Variants in VAV3 observed in about 807,000 individuals in gnomAD.
The protein encoded by VAV3 is vav guanine nucleotide exchange factor 3, also known as guanine nucleotide exchange factor VAV3.
Under a neutral mutation model 131.2 loss-of-function variants are expected in VAV3, and 94 were observed. The observed-to-expected ratio is 0.72, with a 90% CI of 0.61 to 0.85. The LOEUF is 0.85. VAV3 is among the 40% of genes least tolerant of loss of function. The probability of loss-of-function intolerance (pLI) is 0.00; values close to 1 mark genes in which losing one functional copy is unlikely to be tolerated. For synonymous variants in VAV3, 349 were observed against 342.0 expected, an observed-to-expected ratio of 1.02 and a Z score of -0.22; for missense variants, 939 against 1,002.7, an observed-to-expected ratio of 0.94 and a Z score of 0.86.
rs553226882 is a variant in VAV3, at chr1:107,943,572, T to C, written c.204+21094A>G. Among the ~76,000 whole-genome samples the C allele has an allele frequency of 2.6e-5, 4 of 152,240 alleles. No homozygotes were observed. In the East Asian group the frequency reaches 7.7e-4, roughly 29 times the overall value. On this transcript the variant is annotated intron_variant, in intron 1 of 26. Transcript: ENST00000370056. ...ATCTGGCCAACATGGTGAAACCCCA[T>C]CTCTACTAAAAGTACAAAAATTAGC... is the stretch of plus-strand genomic sequence containing the variant.
intron 17 of VAV3, among the ~76,000 whole-genome samples, chr1:107,699,385 G>A (rs1557772412): frequency 6.6e-6 from 1 of 152,252 alleles, no homozygotes; most frequent in Non-Finnish European, 1.5e-5. Flanking sequence ...AGGCACCCAG[G>A]GTCTTGGGCA....
intron 17 of VAV3, among the ~76,000 whole-genome samples, chr1:107,698,139 TAGG>T (rs1456561610): frequency 1.2e-4 from 19 of 152,206 alleles, no homozygotes; most frequent in African/African-American, 3.9e-4. Context: ...AGAATTTATA[TAGG>T]AGTAAATGAG....
chr1:107,638,737 G>A (rs1407132464), intron 20 of VAV3, among the ~76,000 whole-genome samples: 1 of 151,996 alleles, frequency 6.6e-6, no homozygotes, highest in African/African-American at 2.4e-5. Flanking sequence ...ATGAAAAAAG[G>A]AAAAGAACAA....
chr1:107,777,380 T>A, intron 3 of VAV3, 84 bp from the exon 4 acceptor site: 1 of 1,236,882 alleles, frequency 8.1e-7, no homozygotes, highest in Non-Finnish European at 1.2e-6. Context: ...TAACCCTCAC[T>A]AAATATGTAA....
At chr1:107,834,528 C>A (rs142281530) in intron 2 of VAV3, among the ~76,000 whole-genome samples, 1 of 151,814 alleles carries the variant, frequency 6.6e-6, no homozygotes, top group East Asian at 1.9e-4. Flanking sequence ...TAGCAGAATA[C>A]GCATTCTGAT....
At chr1:107,728,921 C>T (rs1444170896) in intron 15 of VAV3, among the ~76,000 whole-genome samples, 1 of 152,128 alleles carries the variant, frequency 6.6e-6, no homozygotes, top group Non-Finnish European at 1.5e-5. Context: ...CTAGCTCCGA[C>T]AGTATGCAGA....
chr1:107,882,214 CA>C (rs1670817161), intron 1 of VAV3, among the ~76,000 whole-genome samples: 1 of 152,088 alleles, frequency 6.6e-6, no homozygotes, highest in African/African-American at 2.4e-5. Context: ...GACCTTCACA[CA>C]ATGTAGATTT....
intron 1 of VAV3, among the ~76,000 whole-genome samples, chr1:107,952,957 G>A (rs1265100983): frequency 5.9e-5 from 9 of 152,094 alleles, no homozygotes; most frequent in Non-Finnish European, 7.4e-5. Context: ...CAGAAATTTC[G>A]TTGTTTTAGA....
chr1:107,574,963 C>CTCTCTCTG (rs1304869776), intron 25 of VAV3, among the ~76,000 whole-genome samples: 2 of 81,112 alleles, frequency 2.5e-5, no homozygotes, highest in African/African-American at 9.0e-5. Flanking sequence ...TTGAGTTTCT[C>CTCTCTCTG]TGTGTGTGTG....
chr1:107,874,156 G>A (rs1401413334), intron 2 of VAV3, among the ~76,000 whole-genome samples: 1 of 152,076 alleles, frequency 6.6e-6, no homozygotes, highest in South Asian at 2.1e-4. Flanking sequence ...CTAAAGTCCT[G>A]TCACCTTAAT....
chr1:107,782,562 A>G (rs1053609308), intron 2 of VAV3, among the ~76,000 whole-genome samples: 3 of 152,202 alleles, frequency 2.0e-5, no homozygotes, highest in Non-Finnish European at 4.4e-5. Flanking sequence ...AAATGCAGCA[A>G]ATGAGGAGGA....
At chr1:107,674,781 T>C (rs1010028595) in intron 19 of VAV3, among the ~76,000 whole-genome samples, 11 of 152,268 alleles carry the variant, frequency 7.2e-5, no homozygotes, top group Admixed American at 5.2e-4. Context: ...CAAAAGAATA[T>C]GGCAAAGGTG....
chr1:107,722,663 G>A (rs990965154), intron 15 of VAV3, among the ~76,000 whole-genome samples: 1 of 152,048 alleles, frequency 6.6e-6, no homozygotes, highest in African/African-American at 2.4e-5. Flanking sequence ...AAGAGGACAC[G>A]CCTGGGCCTG....
intron 9 of VAV3, among the ~76,000 whole-genome samples, chr1:107,762,317 T>C (rs1664488464): frequency 6.6e-6 from 1 of 152,152 alleles, no homozygotes; most frequent in Non-Finnish European, 1.5e-5. Context: ...TGGAATGATA[T>C]ATTATGAGGA....
At chr1:107,925,184 T>A (rs1180011040) in intron 1 of VAV3, among the ~76,000 whole-genome samples, 1 of 152,100 alleles carries the variant, frequency 6.6e-6, no homozygotes, top group African/African-American at 2.4e-5. Flanking sequence ...AAAACTAATC[T>A]TAGCGTTGAC....
chr1:107,938,370 G>C (rs1342153168), intron 1 of VAV3, among the ~76,000 whole-genome samples: 1 of 152,200 alleles, frequency 6.6e-6, no homozygotes, highest in Non-Finnish European at 1.5e-5. Context: ...AGTGTCTTAG[G>C]GATCTAGATT....
intron 15 of VAV3, among the ~76,000 whole-genome samples, chr1:107,706,185 A>G (rs1660442038): frequency 6.6e-6 from 1 of 152,134 alleles, no homozygotes; most frequent in Admixed American, 6.6e-5. Flanking sequence ...AGACTGTAGG[A>G]AAAGCTTGAG....
At position 107,779,509 on chromosome 1, in the gene VAV3, A is replaced by G; in HGVS notation, c.322-17T>C. ...TTCTATAACCTGAGAAAAGAGGAAA[A>G]TACTAATTAGATATGTAGTTCAGAA... On this transcript the variant is annotated splice_polypyrimidine_tract_variant and intron_variant, in intron 2 of 26. Coordinates refer to ENST00000370056, the MANE Select transcript of VAV3 (RefSeq NM_006113.5). 6.4e-7 allele frequency: 1 copy of G among 1,566,936 alleles called. No individual in the cohort carries two copies. Among genetic ancestry groups the G allele is most frequent in the Non-Finnish European group, 8.6e-7 (1 of 1,156,174 alleles).
chr1:107,964,632 G>A (rs982955588), intron 1 of VAV3, 34 bp downstream of exon 1: 1 of 1,601,004 alleles, frequency 6.2e-7, no homozygotes, highest in African/African-American at 1.3e-5. Flanking sequence ...GGAGCTGCCG[G>A]CTGGAGGCGG....
Sources: allele counts gnomAD v4.1 joint callset (sites outside exome capture counted in the v4.1 genomes callset), GRCh38; gene constraint gnomAD v4.1.1; transcripts MANE v1.5; gene names NCBI Gene and HGNC (gene_info 2026-07-23, HGNC 2026-07-21).